The following DCAF8L2 variants were observed in gnomAD, a reference collection of about 807,000 sequenced individuals.
The protein encoded by DCAF8L2 is DDB1- and CUL4-associated factor 8-like protein 2.
For missense variants in DCAF8L2, 430 were observed against 490.7 expected (o/e 0.88, Z 1.17); for synonymous variants, 200 against 190.9 (o/e 1.05, Z -0.39).
chrX:27,522,730 T>C, the DCAF8L2 span, among the ~76,000 whole-genome samples: 1 of 112,331 alleles, frequency 8.9e-6, no homozygotes, highest in Non-Finnish European at 1.9e-5. Context: ...TCAAAACATG[T>C]CATCCATGTT....
At chrX:27,608,327 A>G (rs1927002085) in intron 1 of DCAF8L2, among the ~76,000 whole-genome samples, 1 of 112,004 alleles carries the variant, frequency 8.9e-6, no homozygotes, top group Non-Finnish European at 1.9e-5. Flanking sequence ...GAATGTTACT[A>G]AAATGTTTTA....
At chrX:27,533,936 T>C in the DCAF8L2 span, among the ~76,000 whole-genome samples, 23 of 112,129 alleles carry the variant, frequency 2.1e-4, no homozygotes, top group Non-Finnish European at 3.6e-4. Flanking sequence ...TCCCAGCACA[T>C]GGTGGCTCAG....
chrX:27,740,207 T>C (rs963489096), intron 4 of DCAF8L2, among the ~76,000 whole-genome samples: 11 of 112,018 alleles, frequency 9.8e-5, no homozygotes, highest in Admixed American at 8.5e-4. Flanking sequence ...TTCTTGCCAA[T>C]AGCCTAATTC....
At chrX:27,628,347 G>GT (rs1480349865) in intron 1 of DCAF8L2, among the ~76,000 whole-genome samples, 5 of 111,515 alleles carry the variant, frequency 4.5e-5, no homozygotes, top group Admixed American at 9.5e-5. Flanking sequence ...GCCCACTTGG[G>GT]TTTTTTCCAT....
chrX:27,574,550 T>A, the DCAF8L2 span, among the ~76,000 whole-genome samples: 2 of 111,815 alleles, frequency 1.8e-5, no homozygotes, highest in Non-Finnish European at 3.8e-5. Context: ...TTACTTTGGG[T>A]TTACTGTGAT....
intron 3 of DCAF8L2, among the ~76,000 whole-genome samples, chrX:27,708,303 T>C (rs1194047117): frequency 8.9e-6 from 1 of 112,061 alleles, no homozygotes; most frequent in Non-Finnish European, 1.9e-5. Flanking sequence ...CAGCTGCATC[T>C]ATGTTGCTGC....
the DCAF8L2 span, among the ~76,000 whole-genome samples, chrX:27,504,169 C>T: frequency 8.9e-6 from 1 of 112,025 alleles, no homozygotes; most frequent in African/African-American, 3.2e-5. Flanking sequence ...TTGTTTTAAC[C>T]TAAACGATTT....
At chrX:27,502,570 G>C in the DCAF8L2 span, among the ~76,000 whole-genome samples, 1 of 106,231 alleles carries the variant, frequency 9.4e-6, no homozygotes, top group African/African-American at 3.4e-5. Context: ...TTTGCTGATG[G>C]CTTATAAGAC....
At chrX:27,698,949 A>G (rs1296683139) in intron 3 of DCAF8L2, among the ~76,000 whole-genome samples, 1 of 111,843 alleles carries the variant, frequency 8.9e-6, no homozygotes, top group African/African-American at 3.2e-5. Context: ...AGTATCTATC[A>G]AAAGGGTTTT....
At chrX:27,561,821 T>C in the DCAF8L2 span, among the ~76,000 whole-genome samples, 1 of 111,737 alleles carries the variant, frequency 8.9e-6, no homozygotes, top group African/African-American at 3.3e-5. Context: ...CATTCATTAG[T>C]TGGTGGGCAT....
At chrX:27,587,985 A>T (rs7883188), upstream of DCAF8L2, among the ~76,000 whole-genome samples, 529 of 22,241 alleles carry the variant, frequency 0.024, 2 homozygotes, top group Middle Eastern at 0.049. Context: ...TAAAAAAAAA[A>T]ATATATATAT....
intron 2 of DCAF8L2, among the ~76,000 whole-genome samples, chrX:27,653,725 T>TAC (rs34651746): frequency 0.17 from 15,671 of 91,836 alleles, 1,772 homozygotes; most frequent in African/African-American, 0.38. Flanking sequence ...CAGATATGTA[T>TAC]ACACACACAC....
intron 4 of DCAF8L2, among the ~76,000 whole-genome samples, chrX:27,729,390 A>C (rs2147313858): frequency 8.9e-6 from 1 of 112,759 alleles, no homozygotes; most frequent in African/African-American, 3.2e-5. Context: ...AAGTTCCTTC[A>C]TGCTCCTTTG....
intron 2 of DCAF8L2, among the ~76,000 whole-genome samples, chrX:27,638,706 A>G (rs964481): frequency 0.18 from 20,230 of 111,234 alleles, 1,488 homozygotes; most frequent in East Asian, 0.43. Flanking sequence ...TTACAGATGA[A>G]CAGTCAAGAA....
At chrX:27,484,074 G>A in the DCAF8L2 span, among the ~76,000 whole-genome samples, 119 of 111,282 alleles carry the variant, frequency 1.1e-3, 1 homozygote, top group African/African-American at 3.8e-3. Context: ...TTTTGATAAC[G>A]GTATTAAAGG....
At chrX:27,614,895 A>C in intron 1 of DCAF8L2, among the ~76,000 whole-genome samples, 1 of 110,961 alleles carries the variant, frequency 9.0e-6, no homozygotes, top group Non-Finnish European at 1.9e-5. Context: ...TTTTGGAATA[A>C]GTTCAGATTC....
chrX:27,642,714 C>T (rs1348806705), intron 2 of DCAF8L2, among the ~76,000 whole-genome samples: 1 of 111,804 alleles, frequency 8.9e-6, no homozygotes, highest in Non-Finnish European at 1.9e-5. Flanking sequence ...ATTTATATCC[C>T]CTAAAATTAG....
the DCAF8L2 span, chrX:27,518,912 A>G: frequency 1.8e-6 from 1 of 566,775 alleles, no homozygotes; most frequent in Non-Finnish European, 3.2e-6. Flanking sequence ...TTTAATGACA[A>G]AAAAATTGCT....
the DCAF8L2 span, among the ~76,000 whole-genome samples, chrX:27,480,393 T>G: frequency 8.9e-6 from 1 of 112,340 alleles, no homozygotes; most frequent in Non-Finnish European, 1.9e-5. Flanking sequence ...TGACGAAGGT[T>G]GATCCTGCAA....
Sources: gnomAD v4.1 joint callset for allele counts (sites outside exome capture counted in the v4.1 genomes callset) on GRCh38, gnomAD v4.1.1 for gene constraint, MANE v1.5 for transcripts, NCBI Gene and HGNC (gene_info 2026-07-23, HGNC 2026-07-21) for gene names.